EGFLAM: variants seen among roughly 807,000 people sequenced by gnomAD.
EGFLAM encodes pikachurin.
In EGFLAM, 79 loss-of-function variants were observed where a neutral mutation model predicts 113.1. The ratio of observed to expected loss-of-function variants is 0.70; its 90% CI spans 0.58 to 0.84. EGFLAM has a LOEUF of 0.84. Among genes scored for constraint, EGFLAM ranks in the 40% least tolerant of loss-of-function variants. The pLI is 0.00. For synonymous variants in EGFLAM, 504 were observed against 487.6 expected (o/e 1.03, Z -0.44); for missense variants, 1,265 against 1,291.6 (o/e 0.98, Z 0.32).
At chr5:38,390,339 T>C (rs1456498794) in intron 6 of EGFLAM, among the ~76,000 whole-genome samples, 1 of 152,248 alleles carries the variant, frequency 6.6e-6, no homozygotes, top group East Asian at 1.9e-4. Context: ...CACGTTGAAT[T>C]ATAACATTCT....
intron 5 of EGFLAM, among the ~76,000 whole-genome samples, chr5:38,353,660 G>A (rs1044623184): frequency 6.6e-6 from 1 of 152,242 alleles, no homozygotes; most frequent in Non-Finnish European, 1.5e-5. Flanking sequence ...AAGTGTGAAA[G>A]GAGAAGATGA....
At chr5:38,261,154 A>T (rs908509926) in intron 1 of EGFLAM, among the ~76,000 whole-genome samples, 1 of 152,098 alleles carries the variant, frequency 6.6e-6, no homozygotes, top group Admixed American at 6.5e-5. Context: ...CCCCATCCGC[A>T]CCTACCTCTG....
At chr5:38,337,410 C>T in intron 1 of EGFLAM, 110 bp from the exon 2 acceptor site, 1 of 1,024,264 alleles carries the variant, frequency 9.8e-7, no homozygotes. Context: ...CTGGAATTAT[C>T]TTTAAGTATG....
At chr5:38,449,725 A>G (rs1742851264) in intron 18 of EGFLAM, among the ~76,000 whole-genome samples, 1 of 152,030 alleles carries the variant, frequency 6.6e-6, no homozygotes, top group Non-Finnish European at 1.5e-5. Context: ...CATGTGTGTG[A>G]GGCTGCAGGT....
chr5:38,298,759 G>A (rs1758505608), intron 1 of EGFLAM, among the ~76,000 whole-genome samples: 1 of 151,902 alleles, frequency 6.6e-6, no homozygotes, highest in Admixed American at 6.6e-5. Context: ...GGAGTGCAGT[G>A]GTGTAATCAT....
At chr5:38,459,785 C>A (rs919520114) in intron 20 of EGFLAM, among the ~76,000 whole-genome samples, 6 of 420 alleles carry the variant, frequency 0.014, no homozygotes, top group Non-Finnish European at 0.026. Flanking sequence ...GGCTGCTGGG[C>A]CCCCAACCCT....
chr5:38,348,240 G>A (rs538461633), intron 3 of EGFLAM, among the ~76,000 whole-genome samples: 1 of 152,236 alleles, frequency 6.6e-6, no homozygotes, highest in Non-Finnish European at 1.5e-5. Context: ...AGAGCTAGAG[G>A]TGCAGAGTCA....
intron 3 of EGFLAM, among the ~76,000 whole-genome samples, chr5:38,343,060 G>C (rs1353505590): frequency 1.3e-5 from 2 of 152,110 alleles, no homozygotes; most frequent in Non-Finnish European, 2.9e-5. Flanking sequence ...GAGCAAGGGT[G>C]ACCAGGGGCG....
chr5:38,384,576 G>A lies in EGFLAM; in HGVS notation c.712+14114G>A, dbSNP rs949982655. Among the ~76,000 whole-genome samples the A allele has an allele frequency of 1.2e-4, 19 of 152,230 alleles. 2 individuals are homozygous for A. The highest frequency in any genetic ancestry group is 4.6e-4 in the Admixed American group (7 of 15,298). On this transcript the variant is annotated intron_variant, in intron 6 of 21. Coordinates refer to ENST00000322350, the MANE Select transcript of EGFLAM (RefSeq NM_152403.4). The stretch of plus-strand genomic sequence containing the variant: ...AGTGTCTCAGGAACACTTTCTGACC[G>A]GGAACACCTGCTGTGTCCTGCTGCA...
At chr5:38,324,224 G>A (rs1255399879) in intron 1 of EGFLAM, among the ~76,000 whole-genome samples, 1 of 152,114 alleles carries the variant, frequency 6.6e-6, no homozygotes, top group Non-Finnish European at 1.5e-5. Context: ...ATGTCCTAAT[G>A]TCTCCACGTC....
chr5:38,424,352 G>A (rs1421105932), intron 12 of EGFLAM, among the ~76,000 whole-genome samples: 1 of 152,136 alleles, frequency 6.6e-6, no homozygotes, highest in East Asian at 1.9e-4. Flanking sequence ...CCTCATCAGG[G>A]TGTAACTTTG....
At chr5:38,419,499 G>A (rs141303005) in intron 12 of EGFLAM, among the ~76,000 whole-genome samples, 16 of 152,210 alleles carry the variant, frequency 1.1e-4, no homozygotes, top group Non-Finnish European at 1.6e-4. Context: ...AGATTCTACC[G>A]TTAACATTTT....
intron 13 of EGFLAM, among the ~76,000 whole-genome samples, chr5:38,426,223 G>A (rs1013198040): frequency 1.3e-5 from 2 of 152,032 alleles, no homozygotes; most frequent in Non-Finnish European, 2.9e-5. Flanking sequence ...TGTATATACA[G>A]AGAGTATGTA....
chr5:38,450,074 C>T (rs74403280), intron 18 of EGFLAM, among the ~76,000 whole-genome samples: 16,291 of 152,254 alleles, frequency 0.11, 951 homozygotes, highest in Non-Finnish European at 0.12. Flanking sequence ...AGGAATTCTT[C>T]CCAGAATTGT....
At chr5:38,314,990 G>T (rs1441378182) in intron 1 of EGFLAM, among the ~76,000 whole-genome samples, 1 of 152,144 alleles carries the variant, frequency 6.6e-6, no homozygotes, top group African/African-American at 2.4e-5. Context: ...CAATATTTGG[G>T]GGTCATTTGC....
chr5:38,428,510 T>G (rs537997687), intron 14 of EGFLAM, among the ~76,000 whole-genome samples: 1 of 152,390 alleles, frequency 6.6e-6, no homozygotes, highest in South Asian at 2.1e-4. Context: ...CATATGATTA[T>G]GCAAAATAGC....
chr5:38,333,550 C>T (rs1739104176), intron 1 of EGFLAM, among the ~76,000 whole-genome samples: 1 of 152,110 alleles, frequency 6.6e-6, no homozygotes, highest in Non-Finnish European at 1.5e-5. Context: ...TTCTAATGAT[C>T]AGTGATGTTG....
At chr5:38,266,151 C>T (rs78874309) in intron 1 of EGFLAM, among the ~76,000 whole-genome samples, 13,724 of 152,202 alleles carry the variant, frequency 0.09, 778 homozygotes, top group Admixed American at 0.16. Context: ...ATTTTCCCCC[C>T]TTACCTCCCT....
In EGFLAM at chr5:38,350,036, T is replaced by C. The variant is rs191453868; in HGVS notation, c.292-465T>C. Among the ~76,000 whole-genome samples, 648 of 152,246 alleles carry C rather than the reference T, an allele frequency of 4.3e-3. 4 individuals carry two copies. The highest frequency in any genetic ancestry group is 7.4e-3 in the Non-Finnish European group (505 of 68,030). ...AAGAAAGTCTTCCTGGTAGTTCTAA[T>C]GCTGTTTAAAATTTGAGAACTAAAA... On this transcript the variant is annotated intron_variant, in intron 3 of 21. Coordinates refer to ENST00000322350, the MANE Select transcript of EGFLAM (RefSeq NM_152403.4).
Sources: gnomAD v4.1 joint callset for allele counts (sites outside exome capture counted in the v4.1 genomes callset) on GRCh38, gnomAD v4.1.1 for gene constraint, MANE v1.5 for transcripts, NCBI Gene and HGNC (gene_info 2026-07-23, HGNC 2026-07-21) for gene names.